Variants in SCAF8 observed in about 807,000 individuals in gnomAD.
The protein encoded by SCAF8 is SR-related and CTD-associated factor 8.
A neutral mutation model predicts 140.5 loss-of-function variants in SCAF8; 23 were observed. That is an observed-to-expected ratio of 0.16 (90% confidence interval 0.12 to 0.23). The LOEUF is 0.23. Ranked by LOEUF, SCAF8 falls within the 10% of genes least tolerant of loss-of-function variation. SCAF8 has a pLI of 1.00. For synonymous variants in SCAF8, 575 were observed against 528.9 expected (o/e 1.09, Z -1.20); for missense variants, 1,397 against 1,555.7 (o/e 0.90, Z 1.72).
intron 1 of SCAF8, among the ~76,000 whole-genome samples, chr6:154,755,580 G>T (rs1778947687): frequency 6.6e-6 from 1 of 152,112 alleles, no homozygotes; most frequent in Non-Finnish European, 1.5e-5. Context: ...TAGTGATATT[G>T]CTTGAATCAT....
At chr6:154,828,579 T>C (rs1778637348) in intron 18 of SCAF8, among the ~76,000 whole-genome samples, 1 of 152,056 alleles carries the variant, frequency 6.6e-6, no homozygotes, top group African/African-American at 2.4e-5. Flanking sequence ...CTGTGTTGCC[T>C]CCCTGTCACA....
chr6:154,759,252 T>A lies in SCAF8; in HGVS notation c.31-14737T>A, dbSNP rs1583009050. ...CACTGTAAAGCGTATGTACCTTTTT[T>A]GGAGTATTTTTTAATTCCCTCTATT... On this transcript the variant is annotated intron_variant, in intron 1 of 19. Transcript: ENST00000367178. 3.3e-5 allele frequency among the ~76,000 whole-genome samples: 5 copies of A among 152,200 alleles called. No individual in the cohort carries two copies. The South Asian group carries it at 6.2e-4, about 19-fold the overall frequency.
intron 1 of SCAF8, among the ~76,000 whole-genome samples, chr6:154,759,942 T>C (rs1223058334): frequency 6.6e-6 from 1 of 152,112 alleles, no homozygotes; most frequent in Non-Finnish European, 1.5e-5. Flanking sequence ...GTGTTGGGAT[T>C]ACAGGCGTGA....
intron 6 of SCAF8, among the ~76,000 whole-genome samples, chr6:154,796,353 TTC>T (rs532893908): frequency 0.03 from 2,277 of 74,972 alleles, 24 homozygotes; most frequent in African/African-American, 0.051. Context: ...TGCAATCCTG[TTC>T]TCTCTCTCTC....
chr6:154,814,219 C>T (rs374637084), intron 12 of SCAF8, among the ~76,000 whole-genome samples: 3 of 152,006 alleles, frequency 2.0e-5, no homozygotes, highest in Admixed American at 6.5e-5. Flanking sequence ...CAGTTACTCG[C>T]GAGGCTGAGG....
chr6:154,733,406 C>G, upstream of SCAF8: 1 of 1,392,108 alleles, frequency 7.2e-7, no homozygotes, highest in Non-Finnish European at 9.3e-7. Context: ...CGGCCCGACT[C>G]GAGTCCGCCA....
At chr6:154,744,853 TCTTA>T (rs1287596563) in intron 1 of SCAF8, among the ~76,000 whole-genome samples, 1 of 152,254 alleles carries the variant, frequency 6.6e-6, no homozygotes, top group Admixed American at 6.5e-5. Flanking sequence ...ATGTTTGCTT[TCTTA>T]CTGTCTCTTC....
chr6:154,771,268 C>T (rs115029794), intron 1 of SCAF8, among the ~76,000 whole-genome samples: 258 of 152,206 alleles, frequency 1.7e-3, no homozygotes, highest in African/African-American at 6.0e-3. Context: ...TTGGGGAGGT[C>T]GGGAAGCCTT....
chr6:154,776,961 A>T (rs987270022), intron 2 of SCAF8, among the ~76,000 whole-genome samples: 1 of 152,218 alleles, frequency 6.6e-6, no homozygotes, highest in African/African-American at 2.4e-5. Context: ...TGGGTGGATC[A>T]CTTGAGGTCA....
intron 6 of SCAF8, 88 bp downstream of exon 6, chr6:154,795,227 T>C: frequency 8.6e-7 from 1 of 1,160,810 alleles, no homozygotes; most frequent in Non-Finnish European, 1.2e-6. Flanking sequence ...CTAGAGAATA[T>C]GTGCTTTTTT....
intron 3 of SCAF8, among the ~76,000 whole-genome samples, chr6:154,778,529 C>T (rs906051481): frequency 6.6e-6 from 1 of 152,086 alleles, no homozygotes; most frequent in African/African-American, 2.4e-5. Flanking sequence ...CTTTGGGAGG[C>T]CAAGGTGGGT....
At chr6:154,751,354 G>A (rs938603096) in intron 1 of SCAF8, among the ~76,000 whole-genome samples, 6 of 151,784 alleles carry the variant, frequency 4.0e-5, no homozygotes, top group South Asian at 2.1e-4. Context: ...TCAAACTCCC[G>A]AGTAGCTGGG....
At chr6:154,749,321 A>T (rs146266195) in intron 1 of SCAF8, among the ~76,000 whole-genome samples, 115 of 152,282 alleles carry the variant, frequency 7.6e-4, no homozygotes, top group African/African-American at 2.6e-3. Flanking sequence ...GATTGCTTTA[A>T]TACAATAATA....
intron 3 of SCAF8, among the ~76,000 whole-genome samples, chr6:154,782,296 C>G (rs1777108136): frequency 6.6e-6 from 1 of 152,106 alleles, no homozygotes; most frequent in Non-Finnish European, 1.5e-5. Context: ...GTGTTCCCAG[C>G]TGCTTATGTG....
chr6:154,748,378 A>G (rs552349775), intron 1 of SCAF8, among the ~76,000 whole-genome samples: 59 of 152,304 alleles, frequency 3.9e-4, no homozygotes, highest in African/African-American at 1.3e-3. Context: ...TGGTTTTCTT[A>G]AAATAGGGAC....
chr6:154,741,605 C>A (rs1471600724), intron 1 of SCAF8, among the ~76,000 whole-genome samples: 1 of 152,086 alleles, frequency 6.6e-6, no homozygotes, highest in African/African-American at 2.4e-5. Flanking sequence ...CGGGGTTTCA[C>A]CATGTTGGCC....
intron 1 of SCAF8, among the ~76,000 whole-genome samples, chr6:154,736,979 A>T (rs1487443912): frequency 1.3e-5 from 2 of 152,052 alleles, no homozygotes; most frequent in Non-Finnish European, 2.9e-5. Flanking sequence ...TTTTTTTTTT[A>T]AACACAAAAC....
At chr6:154,796,389 C>G (rs7759023) in intron 6 of SCAF8, among the ~76,000 whole-genome samples, 23,449 of 140,984 alleles carry the variant, frequency 0.17, 2,369 homozygotes, top group African/African-American at 0.25. Context: ...CTCTCTCTCT[C>G]TCTGTCTCTC....
chr6:154,803,773 G>A (rs1025304368), intron 8 of SCAF8, 150 bp downstream of exon 8: 11 of 598,606 alleles, frequency 1.8e-5, no homozygotes, highest in South Asian at 4.4e-5. Flanking sequence ...ATGTCTTGTT[G>A]TCTCTTTGTA....
Sources: allele counts gnomAD v4.1 joint callset (sites outside exome capture counted in the v4.1 genomes callset), GRCh38; gene constraint gnomAD v4.1.1; transcripts MANE v1.5; gene names NCBI Gene and HGNC (gene_info 2026-07-23, HGNC 2026-07-21).